The following SYT1 variants were observed in gnomAD, a reference collection of about 807,000 sequenced individuals.
SYT1 encodes synaptotagmin-1.
Under a neutral mutation model 44.8 loss-of-function variants are expected in SYT1, and 8 were observed. The observed-to-expected ratio is 0.18, with a 90% confidence interval of 0.10 to 0.32. SYT1 has a LOEUF of 0.32. Ranked by LOEUF, SYT1 falls within the 10% of genes least tolerant of loss-of-function variation. The probability of loss-of-function intolerance (pLI) is 1.00; values close to 1 mark genes in which losing one functional copy is unlikely to be tolerated. For missense variants in SYT1, 286 were observed against 509.3 expected (o/e 0.56, Z 4.22); for synonymous variants, 154 against 188.8 (o/e 0.82, Z 1.51).
chr12:78,883,523 T>C (rs1447899607), intron 1 of SYT1, among the ~76,000 whole-genome samples: 2 of 151,712 alleles, frequency 1.3e-5, no homozygotes, highest in African/African-American at 4.8e-5. Flanking sequence ...TTTGTTTCCC[T>C]AGATTAAATC....
At chr12:79,245,283 C>G (rs1230748391) in intron 4 of SYT1, among the ~76,000 whole-genome samples, 1 of 133,530 alleles carries the variant, frequency 7.5e-6, no homozygotes, top group East Asian at 2.1e-4. Flanking sequence ...GGCTAACACA[C>G]GGTGAAACCC....
chr12:79,230,137 T>C (rs1455529177), intron 4 of SYT1, among the ~76,000 whole-genome samples: 3 of 152,216 alleles, frequency 2.0e-5, no homozygotes, highest in African/African-American at 4.8e-5. Context: ...TCTATAATTA[T>C]CTGAACCTAA....
intron 3 of SYT1, among the ~76,000 whole-genome samples, chr12:79,177,069 AAGT>A (rs1871930204): frequency 7.6e-6 from 1 of 131,930 alleles, no homozygotes; most frequent in African/African-American, 2.9e-5. Flanking sequence ...ATTATACTCT[AAGT>A]TTTAGGGTAC....
rs115981027 is a variant in SYT1 at position 79,212,828 on chromosome 12, G to A, written c.-17-4675G>A. 4.3e-3 allele frequency among the ~76,000 whole-genome samples: 654 copies of A among 152,282 alleles called. 1 individual carries two copies. The highest frequency in any genetic ancestry group is 0.015 in the African/African-American group (622 of 41,566). On this transcript the variant is annotated intron_variant, in intron 3 of 10. Coordinates refer to ENST00000261205, the MANE Select transcript of SYT1 (RefSeq NM_005639.3). The stretch of plus-strand genomic sequence containing the variant: ...GAGTAGACCAGTAGAAGGAACCTTG[G>A]ATCAGGCTAAATCTGTGTAGGACCA...
intron 3 of SYT1, among the ~76,000 whole-genome samples, chr12:79,183,546 TG>T (rs1430355426): frequency 6.6e-6 from 1 of 151,920 alleles, no homozygotes; most frequent in African/African-American, 2.4e-5. Flanking sequence ...ATGTCAACAG[TG>T]TCAAGGCCAA....
intron 3 of SYT1, among the ~76,000 whole-genome samples, chr12:79,056,358 C>A (rs1399926369): frequency 2.0e-5 from 3 of 151,992 alleles, no homozygotes; most frequent in East Asian, 1.9e-4. Flanking sequence ...ATCAGGAGCC[C>A]TCTCCTTGAA....
intron 4 of SYT1, among the ~76,000 whole-genome samples, chr12:79,236,022 A>G (rs984712190): frequency 5.9e-5 from 9 of 152,132 alleles, no homozygotes; most frequent in African/African-American, 1.7e-4. Context: ...CCATTGTCCA[A>G]CTAGTTAGCA....
intron 1 of SYT1, among the ~76,000 whole-genome samples, chr12:78,928,976 G>T (rs1877461973): frequency 1.3e-5 from 2 of 151,928 alleles, no homozygotes; most frequent in Non-Finnish European, 2.9e-5. Context: ...AACAACACAG[G>T]TTTGAACTGT....
At chr12:78,925,695 G>T (rs1217429686) in intron 1 of SYT1, among the ~76,000 whole-genome samples, 1 of 151,672 alleles carries the variant, frequency 6.6e-6, no homozygotes, top group Non-Finnish European at 1.5e-5. Flanking sequence ...GCATTACCTG[G>T]CACATATTTA....
At chr12:79,303,397 A>C (rs1179432354) in intron 8 of SYT1, among the ~76,000 whole-genome samples, 1 of 152,182 alleles carries the variant, frequency 6.6e-6, no homozygotes, top group Non-Finnish European at 1.5e-5. Context: ...CCAGAAAAAA[A>C]AACTAAGCCT....
intron 1 of SYT1, among the ~76,000 whole-genome samples, chr12:78,906,611 A>T (rs1592544503): frequency 6.6e-6 from 1 of 152,130 alleles, no homozygotes; most frequent in Non-Finnish European, 1.5e-5. Flanking sequence ...GTTGTGAGGG[A>T]TACACTGGAA....
chr12:79,392,580 GA>G (rs1417546905), intron 9 of SYT1: 1 of 152,034 alleles, frequency 6.6e-6, no homozygotes, highest in Admixed American at 6.6e-5. Context: ...AGACTATCAG[GA>G]GAGGTAAACC....
At chr12:79,130,811 C>T (rs950116068) in intron 3 of SYT1, among the ~76,000 whole-genome samples, 1 of 152,228 alleles carries the variant, frequency 6.6e-6, no homozygotes, top group East Asian at 1.9e-4. Flanking sequence ...CTGCTAGCCT[C>T]CATGAATTTA....
intron 4 of SYT1, among the ~76,000 whole-genome samples, chr12:79,237,847 AT>A (rs1347254785): frequency 6.6e-6 from 1 of 152,142 alleles, no homozygotes; most frequent in African/African-American, 2.4e-5. Context: ...TATGATCCCA[AT>A]TTTATAGAGG....
intron 8 of SYT1, among the ~76,000 whole-genome samples, chr12:79,348,903 GA>G (rs1389016203): frequency 8.7e-6 from 1 of 114,588 alleles, no homozygotes; most frequent in Non-Finnish European, 1.9e-5. Context: ...GACAAAGAAA[GA>G]AAGAAAGGAA....
chr12:79,168,611 A>G (rs967281878), intron 3 of SYT1, among the ~76,000 whole-genome samples: 4 of 152,068 alleles, frequency 2.6e-5, no homozygotes, highest in African/African-American at 9.7e-5. Flanking sequence ...GTGAGAAAAT[A>G]ACACAATTTT....
At chr12:78,927,444 G>A (rs576586169) in intron 1 of SYT1, among the ~76,000 whole-genome samples, 4 of 152,124 alleles carry the variant, frequency 2.6e-5, no homozygotes, top group Admixed American at 6.6e-5. Context: ...ATTAGTGTGC[G>A]TCATTTAAAA....
At chr12:79,278,141 A>C (rs1248914696) in intron 4 of SYT1, among the ~76,000 whole-genome samples, 2 of 152,128 alleles carry the variant, frequency 1.3e-5, no homozygotes, top group East Asian at 3.9e-4. Flanking sequence ...CTAGACTTAA[A>C]CTGGTCTCTG....
At chr12:78,951,925 C>T (rs899049730) in intron 1 of SYT1, among the ~76,000 whole-genome samples, 1 of 152,088 alleles carries the variant, frequency 6.6e-6, no homozygotes, top group African/African-American at 2.4e-5. Flanking sequence ...TCAGCAAGCT[C>T]CAGCTTTCGA....
Sources: gnomAD v4.1 joint callset for allele counts (sites outside exome capture counted in the v4.1 genomes callset) on GRCh38, gnomAD v4.1.1 for gene constraint, MANE v1.5 for transcripts, NCBI Gene and HGNC (gene_info 2026-07-23, HGNC 2026-07-21) for gene names.